Variants in HCFC1 observed in about 807,000 individuals in gnomAD.
HCFC1 encodes host cell factor 1.
Under a neutral mutation model 105.5 loss-of-function variants are expected in HCFC1, and 7 were observed. The observed-to-expected ratio is 0.07, with a 90% CI of 0.04 to 0.12. HCFC1 has a LOEUF of 0.12. Among genes scored for constraint, HCFC1 ranks in the 10% least tolerant of loss-of-function variants. The pLI is 1.00. For missense variants in HCFC1, 1,065 were observed against 1,823.6 expected, an observed-to-expected ratio of 0.58 and a Z score of 7.58; for synonymous variants, 918 against 828.1, an observed-to-expected ratio of 1.11 and a Z score of -1.86.
In HCFC1 at chrX:153,963,307, T is replaced by C; in HGVS notation, c.630A>G (p.Glu210=). Residue 210 remains glutamate (E), a synonymous_variant, in exon 4 of 26, where the codon GAA becomes GAG. Transcript: ENST00000310441. The stretch of plus-strand genomic sequence containing the variant: ...CCAGCTTGGACTTCTTATTGTCTTT[T>C]TCGGTGTAGACCACGGCAGTATGTG... ...RESHTAVVYT[E]KDNKKSKLVI... is the part of the protein sequence containing the mutation. The C allele has an allele frequency of 8.3e-7, 1 of 1,211,137 alleles. No individual in the cohort carries two copies. Among genetic ancestry groups the C allele is most frequent in the East Asian group, 3.0e-5 (1 of 33,867 alleles).
rs1353464391 is a variant in HCFC1, at chrX:153,951,212, A to G, written c.5517+138T>C. 10 of 731,154 alleles carry G rather than the reference A, an allele frequency of 1.4e-5. No homozygotes were observed. The African/African-American group carries it at 1.9e-4, about 14-fold the overall frequency. The allele number at this position is 731,154 out of a possible 1,213,427, so 60.3% of individuals were successfully genotyped here. A position where few individuals can be genotyped will look rare whatever the true frequency, so the allele number is the denominator to read the frequency against. ...CTCCTTTTCTACTGCTTCAGGGGGG[A>G]TGGTCTCTGCCCACCTTCCTCAGGC... is the stretch of plus-strand genomic sequence containing the variant. On this transcript the variant is annotated intron_variant, in intron 22 of 25. Transcript: ENST00000310441.
At position 153,970,866 on chromosome X, in the gene HCFC1, A is replaced by T. The variant is rs782085655; in HGVS notation, c.-26T>A. On this transcript the variant is annotated 5_prime_UTR_variant, in exon 1 of 26. Transcript: ENST00000310441. ...AGTTCCGGGAAAGGGTGCGGTGGGG[A>T]GAAGTCAACAAGCGGGAAGGGAGCC... 3 of 1,116,944 alleles carry T rather than the reference A, an allele frequency of 2.7e-6. No individual in the cohort carries two copies. The highest frequency in any genetic ancestry group is 3.5e-6 in the Non-Finnish European group (3 of 845,389). 92.0% of individuals were successfully genotyped at this position (1,116,944 alleles called of 1,213,427 possible).
intron 25 of HCFC1, 77 bp downstream of exon 25, chrX:153,949,476 G>C: frequency 1.7e-6 from 2 of 1,148,994 alleles, no homozygotes; most frequent in Non-Finnish European, 2.4e-6. Context: ...GGGGCCCCCA[G>C]TCATTTGACA....
intron 5 of HCFC1, among the ~76,000 whole-genome samples, chrX:153,961,854 C>T (rs1557117014): frequency 1.8e-5 from 2 of 112,002 alleles, no homozygotes; most frequent in East Asian, 2.8e-4. Flanking sequence ...CATAAAAGTG[C>T]CGTTCAGCTC....
At chrX:153,965,271 C>T (rs1247746554) in intron 1 of HCFC1, among the ~76,000 whole-genome samples, 1 of 111,916 alleles carries the variant, frequency 8.9e-6, no homozygotes, top group African/African-American at 3.2e-5. Context: ...ACCAGCATCC[C>T]TCCCTGCCCC....
In HCFC1 at chrX:153,950,289, G is replaced by A. The variant is rs149729439; in HGVS notation, c.5958C>T (p.Arg1986=). 5.1e-4 allele frequency: 618 copies of A among 1,203,934 alleles called. 2 individuals are homozygous for A. The African/African-American group carries it at 9.3e-3, about 18-fold the overall frequency. The change falls in exon 24 of 26, where the codon CGC becomes CGT. Residue 1986 remains arginine (R), a synonymous_variant. Coordinates refer to ENST00000310441, the MANE Select transcript of HCFC1 (RefSeq NM_005334.3). The stretch of plus-strand genomic sequence containing the variant: ...TGGCCGGGCCATAGCCCTTCTCATT[G>A]CGGGCGGCGATGCGGAAGATGATGG... The part of the protein sequence containing the change: ...KPAIIFRIAA[R]NEKGYGPATQ...
chrX:153,969,920 G>A (rs1423205855), intron 1 of HCFC1: 1 of 113,055 alleles, frequency 8.8e-6, no homozygotes, highest in African/African-American at 3.2e-5. Context: ...GGGGCGACTT[G>A]GAAAGAAATG....
chrX:153,953,745 C>T lies in HCFC1; in HGVS notation c.4359G>A (p.Gln1453=). 1 of 1,209,423 alleles carries T rather than the reference C, an allele frequency of 8.3e-7. No individual in the cohort carries two copies. Among genetic ancestry groups the T allele is most frequent in the Non-Finnish European group, 1.1e-6 (1 of 894,705 alleles). ...NQDPPPAASD[Q]GEVESTQGDS... ...CGCCCTGGGTGCTCTCCACCTCTCCCTGATCGCTGGCAGCAGGTGGGGGGT... is the reference window on the plus strand; with the variant it reads ...CGCCCTGGGTGCTCTCCACCTCTCCTTGATCGCTGGCAGCAGGTGGGGGGT... The change falls in exon 18 of 26, where the codon CAG becomes CAA. Residue 1453 remains glutamine (Q), a synonymous_variant. Transcript: ENST00000310441.
In HCFC1 at chrX:153,952,785, C is replaced by T. The variant is rs372318804; in HGVS notation, c.4671G>A (p.Ser1557=). 8.3e-6 allele frequency: 10 copies of T among 1,206,079 alleles called. No individual in the cohort carries two copies. Among genetic ancestry groups the T allele is most frequent in the South Asian group, 3.5e-5 (2 of 56,367 alleles). Reference sequence around the variant, plus strand: ...CCGCAGAGCCGGCAGACTCCTGGCCCGAAGATGGCTCCCCTGTGCTGCTCA... The same window carrying T: ...CCGCAGAGCCGGCAGACTCCTGGCCTGAAGATGGCTCCCCTGTGCTGCTCA... ...VDLSSTGEPS[S]GQESAGSAVV... is the part of the protein sequence containing the mutation. The change falls in exon 19 of 26, where the codon TCG becomes TCA. Residue 1557 remains serine, a synonymous_variant. Transcript: ENST00000310441.
intron 19 of HCFC1, 145 bp downstream of exon 19, chrX:153,952,369 T>G: frequency 1.1e-6 from 1 of 899,282 alleles, no homozygotes; most frequent in Non-Finnish European, 1.5e-6. Context: ...CTACTTGGCC[T>G]GCCTGGGGTC....
intron 24 of HCFC1, among the ~76,000 whole-genome samples, chrX:153,949,962 G>A (rs1557111971): frequency 8.9e-6 from 1 of 111,769 alleles, no homozygotes; most frequent in Non-Finnish European, 1.9e-5. Context: ...CCAGGGACCT[G>A]GGACGTGCTG....
At position 153,960,014 on chromosome X, in the gene HCFC1, G is replaced by A. The variant is rs782297889; in HGVS notation, c.1232C>T (p.Ser411Phe). Residue 411 changes from serine (S) to phenylalanine (F), a missense_variant, in exon 8 of 26, where the codon TCC becomes TTC. By Grantham distance (155) the Ser-to-Phe change is radical. Transcript: ENST00000310441. The stretch of plus-strand genomic sequence containing the variant: ...AGATGGGACCGGATTGGGTGTAGGG[G>A]AGGTGGCAGTAGCAGCCGTGGCAGG... ...DIPATAATAT[S>F]PTPNPVPSVP... is the part of the protein sequence containing the mutation. 3.3e-6 allele frequency: 4 copies of A among 1,210,996 alleles called. No individual in the cohort carries two copies. The highest frequency in any genetic ancestry group is 4.5e-6 in the Non-Finnish European group (4 of 895,164).
chrX:153,954,993 G>T lies in HCFC1; in HGVS notation c.3406C>A (p.Arg1136Ser). The T allele has an allele frequency of 8.3e-7, 1 of 1,207,266 alleles. No homozygotes were observed. Among genetic ancestry groups the T allele is most frequent in the Non-Finnish European group, 1.1e-6 (1 of 893,652 alleles). Residue 1136 changes from arginine to serine, a missense_variant, in exon 17 of 26, where the codon CGT becomes AGT. Arg to Ser is a moderately radical substitution (Grantham distance 110). Transcript: ENST00000310441. Reference sequence around the variant, plus strand: ...GGGGTGCCAGCTGCACAGGCCCGACGGGCATCTCGCTGGTGGTTGGCGCCG... The same window carrying T: ...GGGGTGCCAGCTGCACAGGCCCGACTGGCATCTCGCTGGTGGTTGGCGCCG... ...SVGANHQRDA[R>S]RACAAGTPAV... is the part of the protein sequence containing the mutation.
intron 6 of HCFC1, among the ~76,000 whole-genome samples, chrX:153,960,855 C>T (rs1404432592): frequency 1.8e-5 from 2 of 112,843 alleles, no homozygotes; most frequent in African/African-American, 6.4e-5. Flanking sequence ...GGGGGAGCTT[C>T]GGCCACCCAT....
chrX:153,971,366 C>A lies in HCFC1; in HGVS notation c.-526G>T, dbSNP rs2148619677. 1.7e-5 allele frequency: 5 copies of A among 297,622 alleles called. No homozygotes were observed. The East Asian group carries it at 2.4e-4, about 14-fold the overall frequency. 24.5% of individuals were successfully genotyped at this position (297,622 alleles called of 1,213,427 possible). Reference sequence around the variant, plus strand: ...AGACCACAATTGTGGGAGCCGCCATCTTGAGACCGTCCCGCTTCCCCGCCC... The same window carrying A: ...AGACCACAATTGTGGGAGCCGCCATATTGAGACCGTCCCGCTTCCCCGCCC... On this transcript the variant is annotated 5_prime_UTR_variant, in exon 1 of 26. Transcript: ENST00000310441.
rs1557117786 is a variant in HCFC1, at chrX:153,964,243, G to A, written c.384C>T (p.Pro128=). The A allele has an allele frequency of 1.7e-6, 2 of 1,199,398 alleles. No homozygotes were observed. Among genetic ancestry groups the A allele is most frequent in the Non-Finnish European group, 2.2e-6 (2 of 888,986 alleles). ...WEWKRLKAKT[P]KNGPPPCPRL... is the part of the protein sequence containing the mutation. ...GAGGACACGGAGGGGGCCCGTTTTT[G>A]GGCGTCTTTGCTTTGAGTCTCTTCC... Residue 128 remains proline (P), a synonymous_variant, in exon 3 of 26, where the codon CCC becomes CCT. Transcript: ENST00000310441.
chrX:153,956,335 A>C lies in HCFC1; in HGVS notation c.2712T>G (p.Ala904=). The change falls in exon 16 of 26, where the codon GCT becomes GCG. Residue 904 remains alanine (A), a synonymous_variant. Coordinates refer to ENST00000310441, the MANE Select transcript of HCFC1 (RefSeq NM_005334.3). ...LAGAGGHSTS[A]SLATPITTLG... Reference sequence around the variant, plus strand: ...AGGTGGTGATGGGCGTGGCCAGGGAAGCACTAGTGCTGTGGCCCCCCGCCC... The same window carrying C: ...AGGTGGTGATGGGCGTGGCCAGGGACGCACTAGTGCTGTGGCCCCCCGCCC... 8.3e-7 allele frequency: 1 copy of C among 1,212,091 alleles called. No individual in the cohort carries two copies. Among genetic ancestry groups the C allele is most frequent in the Non-Finnish European group, 1.1e-6 (1 of 895,483 alleles).
rs368279501 is a variant in HCFC1 at position 153,952,760 on chromosome X, C to T, written c.4696G>A (p.Val1566Met). The change falls in exon 19 of 26, where the codon GTG (valine) becomes ATG (methionine). Residue 1566 changes from valine to methionine, a missense_variant. By Grantham distance (21) the Val-to-Met change is conservative. Transcript: ENST00000310441. ...SSGQESAGSA[V>M]VATVVVQPPP... The stretch of plus-strand genomic sequence containing the variant: ...GGCTGGACCACCACAGTGGCCACCA[C>T]CGCAGAGCCGGCAGACTCCTGGCCC... 137 of 1,208,104 alleles carry T rather than the reference C, an allele frequency of 1.1e-4. No homozygotes were observed. In the African/African-American group the frequency reaches 2.1e-3, roughly 18 times the overall value.
At chrX:153,970,544 G>A in intron 1 of HCFC1, 104 bp downstream of exon 1, 1 of 525,823 alleles carries the variant, frequency 1.9e-6, no homozygotes, top group East Asian at 4.1e-5. Flanking sequence ...GATGGAGGGA[G>A]GGAGGAGAGG....
Sources: gnomAD v4.1 joint callset for allele counts (sites outside exome capture counted in the v4.1 genomes callset) on GRCh38, gnomAD v4.1.1 for gene constraint, MANE v1.5 for transcripts, NCBI Gene and HGNC (gene_info 2026-07-23, HGNC 2026-07-21) for gene names.